Variants in GOLGA2 observed in about 807,000 individuals in gnomAD.
GOLGA2 encodes golgin subfamily A member 2.
In GOLGA2, 49 loss-of-function variants were observed where a neutral mutation model predicts 148.8. The observed-to-expected ratio is 0.33, with a 90% confidence interval of 0.26 to 0.42. The LOEUF (loss-of-function observed/expected upper bound fraction) is 0.42. Ranked by LOEUF, GOLGA2 falls within the 10% of genes least tolerant of loss-of-function variation. The pLI is 1.00. For missense variants in GOLGA2, 1,178 were observed against 1,304.6 expected (o/e 0.90, Z 1.49); for synonymous variants, 501 against 511.8 (o/e 0.98, Z 0.28).
In GOLGA2 at chr9:128,260,399, C is replaced by A; in HGVS notation, c.1758+66G>T. ...GTGAGGGCTACACTGCCCCACTTTA[C>A]AGGTGGGAAAACAAAGGTCTGGAGG... On this transcript the variant is annotated intron_variant, in intron 18 of 26. Transcript: ENST00000611957. This position sits in a 1 kb window ranked among gnomAD's most constrained non-coding sequence, Gnocchi z 4.8. 1 of 1,340,672 alleles carries A rather than the reference C, an allele frequency of 7.5e-7. No individual in the cohort carries two copies. The allele number at this position is 1,340,672 out of a possible 1,614,324, so 83.0% of individuals were successfully genotyped here.
At position 128,257,470 on chromosome 9, in the gene GOLGA2, T is replaced by TC. The variant is rs750380040; in HGVS notation, c.2773dup (p.Glu925GlyfsTer15). Reference sequence around the variant, plus strand: ...AGCTGCCAGGAATCTGCCATGCCACTCGTTGCGGTCGCCCACAAGCCGTAA... The same window carrying TC: ...AGCTGCCAGGAATCTGCCATGCCACTCCGTTGCGGTCGCCCACAAGCCGTAA... On this transcript the variant is annotated frameshift_variant, in exon 26 of 27. Coordinates refer to ENST00000611957, the MANE Select transcript of GOLGA2 (RefSeq NM_001366244.2). LOFTEE classifies it high-confidence loss of function. This position sits in a 1 kb window ranked among gnomAD's most constrained non-coding sequence, Gnocchi z 8.0. 6.2e-7 allele frequency: 1 copy of TC among 1,613,262 alleles called. No homozygotes were observed. Among genetic ancestry groups the TC allele is most frequent in the Admixed American group, 1.7e-5 (1 of 59,996 alleles).
At chr9:128,273,821 C>G (rs1438230124) in intron 2 of GOLGA2, 29 bp downstream of exon 2, 1 of 1,612,222 alleles carries the variant, frequency 6.2e-7, no homozygotes. Flanking sequence ...GGCCCCCTGT[C>G]CCCAGGAGCC....
At chr9:128,259,487 C>T (rs1352275140) in intron 19 of GOLGA2, 96 bp from the exon 20 acceptor site, 1 of 729,674 alleles carries the variant, frequency 1.4e-6, no homozygotes, top group Non-Finnish European at 2.3e-6. Context: ...CCTGCCCAGA[C>T]CTCTGGCCCC....
chr9:128,260,318 C>T lies in GOLGA2; in HGVS notation c.1759-129G>A, dbSNP rs537010813. On this transcript the variant is annotated intron_variant, in intron 18 of 26. Coordinates refer to ENST00000611957, the MANE Select transcript of GOLGA2 (RefSeq NM_001366244.2). This position sits in a 1 kb window ranked among gnomAD's most constrained non-coding sequence, Gnocchi z 4.8. ...GTTAGAAAAATCATCCCCTCTCCCC[C>T]ACAGCCATCGGAGCAGGGCTCTGGC... 261 of 1,096,252 alleles carry T rather than the reference C, an allele frequency of 2.4e-4. 2 individuals are homozygous for T. The South Asian group carries it at 3.0e-3, about 13-fold the overall frequency. 67.9% of individuals were successfully genotyped at this position (1,096,252 alleles called of 1,614,324 possible). A position where few individuals can be genotyped will look rare whatever the true frequency, so the allele number is the denominator to read the frequency against.
rs1830931860 is a variant in GOLGA2 at position 128,271,317 on chromosome 9, G to T, written c.288+1468C>A. ...AGACCTGATCAACTGGAGGGTAACA[G>T]GTATGAGACTGGACAACTCTCTAAC... On this transcript the variant is annotated intron_variant, in intron 3 of 26. Coordinates refer to ENST00000611957, the MANE Select transcript of GOLGA2 (RefSeq NM_001366244.2). The surrounding 1 kb of genome is among the most constrained non-coding windows in gnomAD (Gnocchi z 4.4). 6.6e-6 allele frequency among the ~76,000 whole-genome samples: 1 copy of T among 152,336 alleles called. No homozygotes were observed. The highest frequency in any genetic ancestry group is 2.1e-4 in the South Asian group (1 of 4,832).
In GOLGA2 at chr9:128,274,597, G is replaced by C. The variant is rs1370694688; in HGVS notation, c.85-625C>G. ...GGTTTAGAGTCATACATCCTCACAC[G>C]TTTGGTAATGTTAAGAAATGCACCA... On this transcript the variant is annotated intron_variant, in intron 1 of 26. Transcript: ENST00000611957. Among the ~76,000 whole-genome samples the C allele has an allele frequency of 5.3e-5, 8 of 152,164 alleles. No individual in the cohort carries two copies. The South Asian group carries it at 1.2e-3, about 24-fold the overall frequency.
chr9:128,275,371 G>A lies in GOLGA2; in HGVS notation c.84+522C>T, dbSNP rs1831256240. 6 of 1,279,428 alleles carry A rather than the reference G, an allele frequency of 4.7e-6. No individual in the cohort carries two copies. In the South Asian group the frequency reaches 1.7e-4, roughly 36 times the overall value. 79.3% of individuals were successfully genotyped at this position (1,279,428 alleles called of 1,614,324 possible). On this transcript the variant is annotated intron_variant, in intron 1 of 26. Coordinates refer to ENST00000611957, the MANE Select transcript of GOLGA2 (RefSeq NM_001366244.2). ...GACGTCACTACATTCCACTCCTAGG[G>A]GGAACATCAGCGCGACGTCCAAGTC...
Position 128,266,507 on chromosome 9 carries a change from G to T in GOLGA2, c.643-182C>A, listed in dbSNP as rs1300201237. ...AGGAAAGGGGATTTGTGTCTTTGTT[G>T]GTTTTTGCCCACAGCCACAGAACTG... On this transcript the variant is annotated intron_variant, in intron 8 of 26. Coordinates refer to ENST00000611957, the MANE Select transcript of GOLGA2 (RefSeq NM_001366244.2). The surrounding 1 kb of genome is among the most constrained non-coding windows in gnomAD (Gnocchi z 4.2). 1.6e-6 allele frequency: 1 copy of T among 615,218 alleles called. No homozygotes were observed. Among genetic ancestry groups the T allele is most frequent in the Admixed American group, 2.9e-5 (1 of 34,058 alleles). The allele number at this position is 615,218 out of a possible 1,614,324, so 38.1% of individuals were successfully genotyped here. A position where few individuals can be genotyped will look rare whatever the true frequency, so the allele number is the denominator to read the frequency against.
chr9:128,267,380 G>T, intron 7 of GOLGA2, 78 bp downstream of exon 7: 1 of 1,464,428 alleles, frequency 6.8e-7, no homozygotes, highest in Non-Finnish European at 9.6e-7. Context: ...CTGGCAGAGG[G>T]GCACCCAGCC....
chr9:128,259,420 G>A (rs1235520314), intron 19 of GOLGA2, 29 bp from the exon 20 acceptor site: 3 of 1,418,958 alleles, frequency 2.1e-6, no homozygotes, highest in East Asian at 2.4e-5. Context: ...CGTGAGGGCA[G>A]GTGGTGGCCT....
intron 1 of GOLGA2, among the ~76,000 whole-genome samples, chr9:128,275,115 T>G (rs576808234): frequency 1.4e-4 from 21 of 152,152 alleles, no homozygotes; most frequent in Non-Finnish European, 2.6e-4. Flanking sequence ...CTGCCAATGT[T>G]TTCAGTTCAC....
chr9:128,259,167 C>T lies in GOLGA2; in HGVS notation c.2097G>A (p.Gln699=). 1.2e-6 allele frequency: 2 copies of T among 1,603,774 alleles called. No homozygotes were observed. The highest frequency in any genetic ancestry group is 1.7e-6 in the Non-Finnish European group (2 of 1,173,946). ...EMARQELQET[Q]ERLEAATQQN... is the part of the protein sequence containing the mutation. Reference sequence around the variant, plus strand: ...GCCCTGCCCTCACCAACTCCCTCACCTGGGTTTCCTGCAACTCTTGGCGGG... The same window carrying T: ...GCCCTGCCCTCACCAACTCCCTCACTTGGGTTTCCTGCAACTCTTGGCGGG... The change falls in exon 20 of 27, where the codon CAG becomes CAA. Residue 699 remains glutamine (Q), a splice_region_variant and synonymous_variant. Coordinates refer to ENST00000611957, the MANE Select transcript of GOLGA2 (RefSeq NM_001366244.2).
chr9:128,259,142 GCCCTGCC>G lies in GOLGA2; in HGVS notation c.2097+18_2097+24del. Reference sequence around the variant, plus strand: ...AGGTTGCCAGGTTGTCCCCCTCGGGGCCCTGCCCTCACCAACTCCCTCACCTGGGTTT... The same window carrying G: ...AGGTTGCCAGGTTGTCCCCCTCGGGGCTCACCAACTCCCTCACCTGGGTTT... On this transcript the variant is annotated intron_variant, in intron 20 of 26. Coordinates refer to ENST00000611957, the MANE Select transcript of GOLGA2 (RefSeq NM_001366244.2). The G allele has an allele frequency of 4.4e-6, 7 of 1,600,616 alleles. No individual in the cohort carries two copies. The highest frequency in any genetic ancestry group is 6.0e-6 in the Non-Finnish European group (7 of 1,168,890).
In GOLGA2 at chr9:128,261,619, GC is replaced by G; in HGVS notation, c.1224+48del. 1 of 1,516,198 alleles carries G rather than the reference GC, an allele frequency of 6.6e-7. No individual in the cohort carries two copies. Among genetic ancestry groups the G allele is most frequent in the Non-Finnish European group, 9.2e-7 (1 of 1,090,690 alleles). 93.9% of individuals were successfully genotyped at this position (1,516,198 alleles called of 1,614,324 possible). A position where few individuals can be genotyped will look rare whatever the true frequency, so the allele number is the denominator to read the frequency against. The stretch of plus-strand genomic sequence containing the variant: ...TGTCACTGGTTGTCACCTACTCCTG[GC>G]CACCTGGGGTCATCTTCCTTCTACA... On this transcript the variant is annotated intron_variant, in intron 15 of 26. Transcript: ENST00000611957. This position sits in a 1 kb window ranked among gnomAD's most constrained non-coding sequence, Gnocchi z 5.7.
At position 128,266,206 on chromosome 9, in the gene GOLGA2, G is replaced by C; in HGVS notation, c.681+81C>G. 7.2e-7 allele frequency: 1 copy of C among 1,398,022 alleles called. No homozygotes were observed. The allele number at this position is 1,398,022 out of a possible 1,614,324, so 86.6% of individuals were successfully genotyped here. ...CTTCTTCCCCAGGCTGGGAGTGGGTGAGACGAGACTGAGGCCTCTACATTT... is the reference window on the plus strand; with the variant it reads ...CTTCTTCCCCAGGCTGGGAGTGGGTCAGACGAGACTGAGGCCTCTACATTT... On this transcript the variant is annotated intron_variant, in intron 9 of 26. Coordinates refer to ENST00000611957, the MANE Select transcript of GOLGA2 (RefSeq NM_001366244.2). This position sits in a 1 kb window ranked among gnomAD's most constrained non-coding sequence, Gnocchi z 4.2.
In GOLGA2 at chr9:128,258,449, C is replaced by T; in HGVS notation, c.2289+6G>A. The T allele has an allele frequency of 6.2e-7, 1 of 1,611,230 alleles. No individual in the cohort carries two copies. The highest frequency in any genetic ancestry group is 8.5e-7 in the Non-Finnish European group (1 of 1,177,764). Reference sequence around the variant, plus strand: ...GCAAAGGTTGGGGAGGGGGAGTCAGCCTCACCATGGCTTCCCGGCTCTCCA... The same window carrying T: ...GCAAAGGTTGGGGAGGGGGAGTCAGTCTCACCATGGCTTCCCGGCTCTCCA... On this transcript the variant is annotated splice_donor_region_variant and intron_variant, in intron 22 of 26. Transcript: ENST00000611957. The surrounding 1 kb of genome is among the most constrained non-coding windows in gnomAD (Gnocchi z 6.6).
rs952409427 is a variant in GOLGA2 at position 128,261,044 on chromosome 9, C to A, written c.1420+128G>T. ...ATGGAGATGACGAGACTTGCCATCT[C>A]CTGGCACAGACCTCTTTCCCTCTGC... On this transcript the variant is annotated intron_variant, in intron 17 of 26. Coordinates refer to ENST00000611957, the MANE Select transcript of GOLGA2 (RefSeq NM_001366244.2). The surrounding 1 kb of genome is among the most constrained non-coding windows in gnomAD (Gnocchi z 5.7). The A allele has an allele frequency of 2.6e-6, 2 of 772,904 alleles. No individual in the cohort carries two copies. Among genetic ancestry groups the A allele is most frequent in the Admixed American group, 3.8e-5 (2 of 52,808 alleles). 47.9% of individuals were successfully genotyped at this position (772,904 alleles called of 1,614,324 possible).
intron 19 of GOLGA2, 60 bp from the exon 20 acceptor site, chr9:128,259,451 T>G: frequency 1.8e-6 from 2 of 1,094,052 alleles, no homozygotes; most frequent in Non-Finnish European, 2.7e-6. Context: ...TCAGGGCCCA[T>G]AAATAGGGTA....
rs1458552400 is a variant in GOLGA2 at position 128,276,006 on chromosome 9, T to A, written c.-30A>T. The A allele has an allele frequency of 1.3e-6, 2 of 1,593,608 alleles. No individual in the cohort carries two copies. Among genetic ancestry groups the A allele is most frequent in the East Asian group, 4.5e-5 (2 of 44,522 alleles). On this transcript the variant is annotated 5_prime_UTR_variant, in exon 1 of 27. Coordinates refer to ENST00000611957, the MANE Select transcript of GOLGA2 (RefSeq NM_001366244.2). ...GCGATCCCGGCAACCACTGCGGAAG[T>A]CAGTCAGCCACCGCGCAGCTGTGCG...
Sources: gnomAD v4.1 joint callset for allele counts (sites outside exome capture counted in the v4.1 genomes callset) on GRCh38, gnomAD v4.1.1 for gene constraint, Gnocchi (gnomAD v3.1) non-coding constraint, MANE v1.5 for transcripts, NCBI Gene and HGNC (gene_info 2026-07-23, HGNC 2026-07-21) for gene names.